The following HECW2 variants were observed in gnomAD, a reference collection of about 807,000 sequenced individuals.
HECW2 encodes the protein E3 ubiquitin-protein ligase HECW2.
In HECW2, 61 loss-of-function variants were observed where a neutral mutation model predicts 175.2. The observed-to-expected ratio is 0.35, with a 90% CI of 0.28 to 0.43. HECW2 has a LOEUF of 0.43. Ranked by LOEUF, HECW2 falls within the 20% of genes least tolerant of loss-of-function variation. HECW2 has a pLI of 1.00. For missense variants in HECW2, 1,524 were observed against 2,000.5 expected (o/e 0.76, Z 4.54); for synonymous variants, 671 against 731.0 (o/e 0.92, Z 1.32).
intron 2 of HECW2, among the ~76,000 whole-genome samples, chr2:196,348,241 G>A (rs575363172): frequency 1.2e-3 from 188 of 152,098 alleles, no homozygotes; most frequent in African/African-American, 3.9e-3. Context: ...TTTTTGTATA[G>A]GCCAACATAT....
At chr2:196,491,075 C>T (rs988582993) in intron 1 of HECW2, among the ~76,000 whole-genome samples, 27 of 152,022 alleles carry the variant, frequency 1.8e-4, no homozygotes, top group African/African-American at 4.6e-4. Context: ...TACCAAATCA[C>T]GCACTCAAAA....
intron 11 of HECW2, among the ~76,000 whole-genome samples, 177 bp downstream of exon 11, chr2:196,307,758 A>AT (rs1259252888): frequency 7.3e-5 from 11 of 151,606 alleles, no homozygotes; most frequent in Admixed American, 2.0e-4. Flanking sequence ...GAGTATTATT[A>AT]TTTTTTTTTA....
At chr2:196,358,316 G>C (rs1175153334) in intron 2 of HECW2, among the ~76,000 whole-genome samples, 3 of 151,574 alleles carry the variant, frequency 2.0e-5, no homozygotes, top group Non-Finnish European at 4.4e-5. Context: ...GCTCATACCT[G>C]TAATCCCAGC....
At chr2:196,588,669 C>T (rs1401766) in intron 1 of HECW2, among the ~76,000 whole-genome samples, 123,958 of 152,182 alleles carry the variant, frequency 0.81, 50,843 homozygotes, top group East Asian at 0.96. Flanking sequence ...TACACACACA[C>T]ACACATATAC....
intron 1 of HECW2, among the ~76,000 whole-genome samples, chr2:196,483,094 TAAAAAAA>T (rs370614949): frequency 1.0e-4 from 11 of 110,436 alleles, no homozygotes; most frequent in African/African-American, 2.9e-4. Flanking sequence ...TTCATAGTTG[TAAAAAAA>T]AAAAAAAAAA....
At chr2:196,246,554 AT>A (rs1366696160) in intron 19 of HECW2, among the ~76,000 whole-genome samples, 2 of 94,546 alleles carry the variant, frequency 2.1e-5, no homozygotes, top group East Asian at 6.2e-4. Context: ...CCGGCTAATT[AT>A]TTTTTTGTAT....
chr2:196,546,289 T>C (rs1156624726), intron 1 of HECW2, among the ~76,000 whole-genome samples: 1 of 152,210 alleles, frequency 6.6e-6, no homozygotes, highest in Non-Finnish European at 1.5e-5. Flanking sequence ...CAAGTAGTTC[T>C]CTCCCCAAAC....
At chr2:196,555,376 C>T (rs142677861) in intron 1 of HECW2, among the ~76,000 whole-genome samples, 35 of 152,036 alleles carry the variant, frequency 2.3e-4, no homozygotes, top group Admixed American at 5.9e-4. Flanking sequence ...TGTAAGGGTG[C>T]GAATCCTTTT....
intron 1 of HECW2, among the ~76,000 whole-genome samples, chr2:196,478,155 C>T (rs1456889397): frequency 6.6e-6 from 1 of 152,148 alleles, no homozygotes; most frequent in Non-Finnish European, 1.5e-5. Context: ...GAAACTTAGA[C>T]ACTTGGTTGT....
At chr2:196,489,781 T>A (rs1404258771) in intron 1 of HECW2, among the ~76,000 whole-genome samples, 1 of 152,222 alleles carries the variant, frequency 6.6e-6, no homozygotes, top group East Asian at 1.9e-4. Context: ...TGTCCCCTAC[T>A]TTCTTCTGTT....
intron 15 of HECW2, 89 bp downstream of exon 15, chr2:196,278,439 C>A: frequency 6.6e-6 from 9 of 1,360,700 alleles, no homozygotes; most frequent in Non-Finnish European, 7.9e-6. Flanking sequence ...AGAAAAAATG[C>A]TTTAAAAAAA....
intron 2 of HECW2, among the ~76,000 whole-genome samples, chr2:196,366,290 T>C (rs549643441): frequency 4.6e-5 from 7 of 152,330 alleles, no homozygotes; most frequent in African/African-American, 1.4e-4. Context: ...CTTAAAGTTT[T>C]TCAGTTTTAT....
intron 2 of HECW2, among the ~76,000 whole-genome samples, chr2:196,363,611 G>A (rs767030792): frequency 2.6e-5 from 4 of 152,148 alleles, no homozygotes; most frequent in Non-Finnish European, 4.4e-5. Flanking sequence ...TAGGAGGGTC[G>A]CATGAGGCCA....
At chr2:196,392,281 A>G (rs1021799841) in intron 2 of HECW2, among the ~76,000 whole-genome samples, 2 of 152,200 alleles carry the variant, frequency 1.3e-5, no homozygotes, top group African/African-American at 4.8e-5. Flanking sequence ...AACTCCTTCC[A>G]GAATGAAGCC....
chr2:196,287,415 C>T (rs548923133), intron 14 of HECW2, among the ~76,000 whole-genome samples: 24 of 152,198 alleles, frequency 1.6e-4, no homozygotes, highest in African/African-American at 5.5e-4. Flanking sequence ...TTCAAAGTTT[C>T]TTCGCATCTT....
At position 196,220,142 on chromosome 2, in the gene HECW2, G is replaced by A; in HGVS notation, c.4305C>T (p.Ala1435=). The A allele has an allele frequency of 1.2e-6, 2 of 1,610,214 alleles. No individual in the cohort carries two copies. The highest frequency in any genetic ancestry group is 1.7e-6 in the Non-Finnish European group (2 of 1,177,038). Residue 1435 remains alanine (A), a synonymous_variant, in exon 26 of 29, where the codon GCC becomes GCT. Transcript: ENST00000644978. ...TTGCATCAAAAACAGATACCAGCCT[G>A]GCATCCACCACCTGTGGAATAAAAA... ...LVRGFYEVVD[A]RLVSVFDARE...
intron 1 of HECW2, among the ~76,000 whole-genome samples, chr2:196,460,611 G>GTTTTGT (rs902928985): frequency 2.7e-5 from 4 of 148,340 alleles, no homozygotes; most frequent in African/African-American, 9.9e-5. Context: ...TTTTTGTCTT[G>GTTTTGT]TTTTGTTTTT....
In HECW2 at chr2:196,555,683, C is replaced by T. The variant is rs917714833; in HGVS notation, c.-36+37825G>A. ...AATTTGTAGGCCCCATAAAAACAAACTCCAAAAGAATTAAAGAGTTAAGTA... is the reference window on the plus strand; with the variant it reads ...AATTTGTAGGCCCCATAAAAACAAATTCCAAAAGAATTAAAGAGTTAAGTA... On this transcript the variant is annotated intron_variant, in intron 1 of 28. Transcript: ENST00000644978. 2.0e-5 allele frequency among the ~76,000 whole-genome samples: 3 copies of T among 152,130 alleles called. No homozygotes were observed. In the South Asian group the frequency reaches 6.2e-4, roughly 31 times the overall value.
At chr2:196,361,503 T>C (rs1290355613) in intron 2 of HECW2, among the ~76,000 whole-genome samples, 1 of 152,220 alleles carries the variant, frequency 6.6e-6, no homozygotes, top group African/African-American at 2.4e-5. Context: ...CATTTTCTTG[T>C]AGGTAGAACC....
Sources: allele counts gnomAD v4.1 joint callset (sites outside exome capture counted in the v4.1 genomes callset), GRCh38; gene constraint gnomAD v4.1.1; transcripts MANE v1.5; gene names NCBI Gene and HGNC (gene_info 2026-07-23, HGNC 2026-07-21).